ANO10: variants seen among roughly 807,000 people sequenced by gnomAD.
The protein encoded by ANO10 is anoctamin-10.
A neutral mutation model predicts 74.7 loss-of-function variants in ANO10; 77 were observed. The observed-to-expected ratio is 1.03, with a 90% CI of 0.86 to 1.25. The LOEUF is 1.25. ANO10 is among the 50% of genes most tolerant of loss of function. ANO10 has a pLI of 0.00. For synonymous variants in ANO10, 279 were observed against 284.9 expected, an observed-to-expected ratio of 0.98 and a Z score of 0.21; for missense variants, 721 against 778.1, an observed-to-expected ratio of 0.93 and a Z score of 0.87.
chr3:43,442,683 A>G (rs1478821919), intron 11 of ANO10, among the ~76,000 whole-genome samples: 1 of 152,254 alleles, frequency 6.6e-6, no homozygotes, highest in East Asian at 1.9e-4. Flanking sequence ...CAACAGGGTC[A>G]GCAAACTTCT....
chr3:43,565,824 G>C, intron 7 of ANO10, 97 bp from the exon 8 acceptor site: 2 of 1,362,370 alleles, frequency 1.5e-6, no homozygotes, highest in Non-Finnish European at 2.0e-6. Context: ...AATGGGAGCG[G>C]GGAGGAGCCA....
intron 11 of ANO10, among the ~76,000 whole-genome samples, chr3:43,474,591 TAAAAC>T (rs992171819): frequency 7.2e-5 from 11 of 152,158 alleles, no homozygotes; most frequent in African/African-American, 2.4e-4. Flanking sequence ...TCAGAAAAAT[TAAAAC>T]AAACACTGTT....
chr3:43,377,927 G>T (rs1271177462), intron 12 of ANO10, among the ~76,000 whole-genome samples: 1 of 152,202 alleles, frequency 6.6e-6, no homozygotes, highest in East Asian at 1.9e-4. Flanking sequence ...GTGGCACAGT[G>T]GTGGCCATCT....
intron 3 of ANO10, among the ~76,000 whole-genome samples, chr3:43,599,287 G>A (rs1040557097): frequency 5.9e-5 from 9 of 152,148 alleles, no homozygotes; most frequent in Admixed American, 2.0e-4. Context: ...AGCCCTGGCA[G>A]GGATCAGTTT....
chr3:43,639,104 G>A (rs1160927128), intron 1 of ANO10: 2 of 152,372 alleles, frequency 1.3e-5, no homozygotes, highest in Non-Finnish European at 2.9e-5. Context: ...AGGGCTCAGA[G>A]AGAGAGAGCG....
At chr3:43,446,746 T>C (rs995977913) in intron 11 of ANO10, among the ~76,000 whole-genome samples, 2 of 152,190 alleles carry the variant, frequency 1.3e-5, no homozygotes, top group African/African-American at 2.4e-5. Context: ...TGAATATTCA[T>C]AGGTAGATAA....
At chr3:43,504,300 GTAGATAGATAGATAGATAGA>G (rs550211978) in intron 11 of ANO10, among the ~76,000 whole-genome samples, 1 of 139,724 alleles carries the variant, frequency 7.2e-6, no homozygotes. Flanking sequence ...AGGTAGGTAG[GTAGATAGATAGATAGATAGA>G]TAGATAGATA....
At chr3:43,508,526 G>A (rs551177349) in intron 11 of ANO10, among the ~76,000 whole-genome samples, 16 of 152,212 alleles carry the variant, frequency 1.1e-4, no homozygotes, top group South Asian at 1.0e-3. Flanking sequence ...TCACAATAGC[G>A]AAGACTTGGA....
chr3:43,491,291 A>G (rs2076711527), intron 11 of ANO10, among the ~76,000 whole-genome samples: 1 of 152,184 alleles, frequency 6.6e-6, no homozygotes, highest in South Asian at 2.1e-4. Flanking sequence ...AGGCAGGCAG[A>G]TGACTTGAGG....
In ANO10 at chr3:43,594,940, G is replaced by A. The variant is rs187549857; in HGVS notation, c.472+3592C>T. ...AAATGATAAAGGGGATATCACCACC[G>A]ATCCCACAGAAATACAAATTACCAT... On this transcript the variant is annotated intron_variant, in intron 4 of 12. Transcript: ENST00000292246. 5.1e-3 allele frequency among the ~76,000 whole-genome samples: 769 copies of A among 152,232 alleles called. 6 individuals carry two copies. Among genetic ancestry groups the A allele is most frequent in the African/African-American group, 0.017 (718 of 41,546 alleles).
At chr3:43,489,018 T>C (rs1284499591) in intron 11 of ANO10, among the ~76,000 whole-genome samples, 4 of 151,712 alleles carry the variant, frequency 2.6e-5, no homozygotes, top group South Asian at 4.2e-4. Flanking sequence ...ATGTCCTTTG[T>C]AGGGACATGG....
chr3:43,371,460 C>A (rs778021228), intron 12 of ANO10, among the ~76,000 whole-genome samples: 1 of 152,144 alleles, frequency 6.6e-6, no homozygotes, highest in Non-Finnish European at 1.5e-5. Context: ...TTCCTACTCC[C>A]CGACCCAAAG....
At chr3:43,580,521 G>A in intron 4 of ANO10, 49 bp from the exon 5 acceptor site, 1 of 1,606,762 alleles carries the variant, frequency 6.2e-7, no homozygotes, top group South Asian at 1.1e-5. Flanking sequence ...TGGAGATTGT[G>A]CATGATACGC....
chr3:43,391,021 C>T (rs1016409530), intron 12 of ANO10, among the ~76,000 whole-genome samples: 1 of 152,134 alleles, frequency 6.6e-6, no homozygotes. Context: ...GTCCTGAATA[C>T]CCTCACTCAG....
intron 1 of ANO10, among the ~76,000 whole-genome samples, chr3:43,609,199 A>T (rs1268208317): frequency 6.6e-6 from 1 of 152,210 alleles, no homozygotes; most frequent in South Asian, 2.1e-4. Context: ...CATGATACAC[A>T]GCTTAAAACT....
intron 1 of ANO10, among the ~76,000 whole-genome samples, chr3:43,656,832 G>A (rs1289445377): frequency 6.6e-6 from 1 of 152,222 alleles, no homozygotes; most frequent in Non-Finnish European, 1.5e-5. Context: ...TGCAAGCTAA[G>A]GGAGTGGGCT....
chr3:43,591,410 G>A (rs536386441), intron 4 of ANO10, among the ~76,000 whole-genome samples: 51 of 152,058 alleles, frequency 3.4e-4, no homozygotes, highest in Non-Finnish European at 6.6e-4. Context: ...CATGACTCAC[G>A]GCTTATAATA....
At chr3:43,395,504 G>A (rs2148856373) in intron 12 of ANO10, among the ~76,000 whole-genome samples, 1 of 152,196 alleles carries the variant, frequency 6.6e-6, no homozygotes, top group Non-Finnish European at 1.5e-5. Context: ...TTTTGCACAT[G>A]AATATCCAAT....
intron 12 of ANO10, among the ~76,000 whole-genome samples, chr3:43,367,232 C>A (rs550995030): frequency 6.6e-6 from 1 of 152,162 alleles, no homozygotes; most frequent in Admixed American, 6.5e-5. Flanking sequence ...AAGCAGCTGG[C>A]GTCTCCTCCT....
Sources: gnomAD v4.1 joint callset for allele counts (sites outside exome capture counted in the v4.1 genomes callset) on GRCh38, gnomAD v4.1.1 for gene constraint, MANE v1.5 for transcripts, NCBI Gene and HGNC (gene_info 2026-07-23, HGNC 2026-07-21) for gene names.